MTAP: variants seen among roughly 807,000 people sequenced by gnomAD.
The protein encoded by MTAP is S-methyl-5'-thioadenosine phosphorylase.
MTAP carries 33 observed loss-of-function variants against 33.6 expected under a neutral mutation model. The ratio of observed to expected loss-of-function variants is 0.98; its 90% CI spans 0.74 to 1.31. MTAP has a LOEUF of 1.31. Ranked by LOEUF, MTAP falls within the 40% of genes most tolerant of loss-of-function variation. MTAP has a pLI of 0.00. For missense variants in MTAP, 367 were observed against 360.0 expected (o/e 1.02, Z -0.16); for synonymous variants, 148 against 125.7 (o/e 1.18, Z -1.19).
intron 5 of MTAP, among the ~76,000 whole-genome samples, chr9:21,849,387 T>C (rs1825458608): frequency 6.6e-6 from 1 of 152,132 alleles, no homozygotes; most frequent in Non-Finnish European, 1.5e-5. Flanking sequence ...CCAGTTAAAG[T>C]AGGGGCTTAT....
intron 1 of MTAP, chr9:21,930,224 G>A (rs1377477943): frequency 7.6e-6 from 2 of 264,040 alleles, no homozygotes; most frequent in Non-Finnish European, 1.5e-5. Flanking sequence ...GTACCCAAGT[G>A]TTAGCAGGCA....
At chr9:21,835,788 C>T (rs1465508940) in intron 4 of MTAP, among the ~76,000 whole-genome samples, 1 of 152,206 alleles carries the variant, frequency 6.6e-6, no homozygotes, top group African/African-American at 2.4e-5. Context: ...AACAATGACA[C>T]ATCCTGTTAT....
chr9:21,938,742 A>G (rs1014221153), downstream of MTAP, among the ~76,000 whole-genome samples: 1 of 152,220 alleles, frequency 6.6e-6, no homozygotes, highest in African/African-American at 2.4e-5. Flanking sequence ...ATCCACAAAC[A>G]GTAGTTTTAC....
chr9:21,926,417 C>T (rs938262764), intron 1 of MTAP, among the ~76,000 whole-genome samples: 2 of 152,218 alleles, frequency 1.3e-5, no homozygotes, highest in African/African-American at 4.8e-5. Flanking sequence ...AGTCCCAATA[C>T]ACCCAATGGT....
At chr9:21,828,463 C>T (rs1824878559) in intron 4 of MTAP, among the ~76,000 whole-genome samples, 1 of 152,106 alleles carries the variant, frequency 6.6e-6, no homozygotes, top group Admixed American at 6.5e-5. Flanking sequence ...CACCTGAGGT[C>T]AGGAGTTCGA....
rs7865071 is a variant in MTAP, at chr9:21,890,327, C to A, written c.147+35457C>A. On this transcript the variant is annotated intron_variant, in intron 1 of 1. Coordinates refer to the MTAP transcript ENST00000577563. ...TTATATTCAGGCAACCAGCAATCAC[C>A]GCTGAGATCTTGCCCCAGGCTACAT... is the stretch of plus-strand genomic sequence containing the variant. 1.2e-4 allele frequency among the ~76,000 whole-genome samples: 19 copies of A among 152,088 alleles called. No homozygotes were observed. In the South Asian group the frequency reaches 1.9e-3, roughly 15 times the overall value.
intron 1 of MTAP, among the ~76,000 whole-genome samples, chr9:21,907,674 T>G (rs80176376): frequency 1.2e-4 from 11 of 92,918 alleles, no homozygotes; most frequent in Admixed American, 3.9e-4. Context: ...TGTGTGGGTG[T>G]TTTTTTTTTA....
At position 21,922,466 on chromosome 9, in the gene MTAP, T is replaced by C. The variant is rs981181299; in HGVS notation, c.148-8542T>C. Among the ~76,000 whole-genome samples, 5 of 152,098 alleles carry C rather than the reference T, an allele frequency of 3.3e-5. No homozygotes were observed. The highest frequency in any genetic ancestry group is 1.2e-4 in the African/African-American group (5 of 41,418). On this transcript the variant is annotated intron_variant, in intron 1 of 1. Transcript: ENST00000577563. This position sits in a 1 kb window ranked among gnomAD's most constrained non-coding sequence, Gnocchi z 4.8. Reference sequence around the variant, plus strand: ...CCTGCTCTAAGAGTTTTTAATAAACTCTTACTTCTGCTCAAAAACTTGCCT... The same window carrying C: ...CCTGCTCTAAGAGTTTTTAATAAACCCTTACTTCTGCTCAAAAACTTGCCT...
intron 5 of MTAP, among the ~76,000 whole-genome samples, chr9:21,838,367 A>G (rs1437820436): frequency 1.3e-5 from 2 of 152,244 alleles, no homozygotes; most frequent in Admixed American, 1.3e-4. Flanking sequence ...GCTGTGTCCA[A>G]GAGGACAAAT....
downstream of MTAP, chr9:21,932,142 A>G (rs1818970785): frequency 6.6e-6 from 1 of 152,224 alleles, no homozygotes; most frequent in South Asian, 2.1e-4. Flanking sequence ...CACCTTTGCA[A>G]AAATTATAAC....
intron 1 of MTAP, among the ~76,000 whole-genome samples, chr9:21,877,347 A>G (rs915095862): frequency 2.4e-4 from 37 of 152,058 alleles, no homozygotes; most frequent in African/African-American, 8.0e-4. Context: ...GATGCTCTCT[A>G]TTTCTTGCTC....
intron 1 of MTAP, among the ~76,000 whole-genome samples, chr9:21,919,454 G>T (rs1818750446): frequency 6.6e-6 from 1 of 152,196 alleles, no homozygotes; most frequent in African/African-American, 2.4e-5. Flanking sequence ...AAAACAGATG[G>T]TAATTTGCAG....
At chr9:21,861,621 C>A (rs1344689367) in intron 7 of MTAP, 1 of 232,910 alleles carries the variant, frequency 4.3e-6, no homozygotes, top group South Asian at 7.7e-5. Flanking sequence ...GATATAGACA[C>A]ATAAAAATTT....
At chr9:21,844,839 G>A (rs553613262) in intron 5 of MTAP, among the ~76,000 whole-genome samples, 78 of 152,232 alleles carry the variant, frequency 5.1e-4, no homozygotes, top group Admixed American at 1.2e-3. Flanking sequence ...AGACCATCCT[G>A]GCTAACACGG....
chr9:21,812,704 G>T (rs1824380598), intron 1 of MTAP, among the ~76,000 whole-genome samples: 1 of 152,194 alleles, frequency 6.6e-6, no homozygotes, highest in South Asian at 2.1e-4. Flanking sequence ...TGCTTGTTCT[G>T]TGACCTTCGT....
chr9:21,927,939 C>G (rs1266385394), intron 1 of MTAP, among the ~76,000 whole-genome samples: 1 of 152,206 alleles, frequency 6.6e-6, no homozygotes, highest in Non-Finnish European at 1.5e-5. Flanking sequence ...CAGGAAGTGG[C>G]AGCAGTGCAC....
At chr9:21,929,793 T>C (rs941706038) in intron 1 of MTAP, 1 of 215,824 alleles carries the variant, frequency 4.6e-6, no homozygotes, top group Non-Finnish European at 9.6e-6. Flanking sequence ...TTTGGATCAA[T>C]CTTTTCTAAT....
chr9:21,820,887 A>G (rs935179309), intron 4 of MTAP, among the ~76,000 whole-genome samples: 1 of 152,330 alleles, frequency 6.6e-6, no homozygotes, highest in South Asian at 2.1e-4. Flanking sequence ...CTTTGAAGCA[A>G]TTGTGAATGT....
chr9:21,905,421 C>T (rs1164190653), intron 1 of MTAP, among the ~76,000 whole-genome samples: 1 of 151,350 alleles, frequency 6.6e-6, no homozygotes, highest in Non-Finnish European at 1.5e-5. Context: ...AAACATAAGG[C>T]AATAAATTAA....
Sources: gnomAD v4.1 joint callset for allele counts (sites outside exome capture counted in the v4.1 genomes callset) on GRCh38, gnomAD v4.1.1 for gene constraint, Gnocchi (gnomAD v3.1) non-coding constraint, MANE v1.5 for transcripts, NCBI Gene and HGNC (gene_info 2026-07-23, HGNC 2026-07-21) for gene names.